The following KCNMA1 variants were observed in gnomAD, a reference collection of about 807,000 sequenced individuals.
The protein encoded by KCNMA1 is potassium calcium-activated channel subfamily M alpha 1.
A neutral mutation model predicts 140.0 loss-of-function variants in KCNMA1; 29 were observed. The ratio of observed to expected loss-of-function variants is 0.21; its 90% CI spans 0.15 to 0.28. KCNMA1 has a LOEUF of 0.28. Ranked by LOEUF, KCNMA1 falls within the 10% of genes least tolerant of loss-of-function variation. The pLI is 1.00. For missense variants in KCNMA1, 880 were observed against 1,602.2 expected (o/e 0.55, Z 7.70); for synonymous variants, 612 against 611.9 (o/e 1.00, Z 0.00).
chr10:76,952,699 C>T (rs2066759605), intron 21 of KCNMA1, among the ~76,000 whole-genome samples: 1 of 152,152 alleles, frequency 6.6e-6, no homozygotes, highest in Non-Finnish European at 1.5e-5. Flanking sequence ...GCTGTTAATG[C>T]TCATTTATAA....
At chr10:77,458,038 T>C (rs2154522846) in intron 1 of KCNMA1, among the ~76,000 whole-genome samples, 2 of 152,330 alleles carry the variant, frequency 1.3e-5, no homozygotes, top group South Asian at 4.1e-4. Flanking sequence ...CTAGAGTTCC[T>C]ACTTGGGAGC....
intron 1 of KCNMA1, among the ~76,000 whole-genome samples, chr10:77,591,993 T>C (rs1288356031): frequency 6.7e-6 from 1 of 149,888 alleles, no homozygotes; most frequent in African/African-American, 2.5e-5. Context: ...TGCCTGGGAG[T>C]TCAGTCTCAT....
intron 2 of KCNMA1, among the ~76,000 whole-genome samples, chr10:77,283,846 G>T (rs1255941691): frequency 6.6e-6 from 1 of 152,086 alleles, no homozygotes; most frequent in Admixed American, 6.6e-5. Context: ...ATGAAATAAG[G>T]GCATGGAAGA....
rs2086454515 is a variant in KCNMA1 at position 77,001,535 on chromosome 10, T to C, written c.2138A>G (p.Asp713Gly). 1.3e-6 allele frequency: 2 copies of C among 1,551,978 alleles called. No individual in the cohort carries two copies. ...GCAGTCACGCTCAGAACGTCCGCAA[T>C]CAAAACAACATGCCCGTCTCATTCT... Reference protein sequence around the residue: ...YKRMRRACCFDCGRSERDCSC... With the variant: ...YKRMRRACCFGCGRSERDCSC... The change falls in exon 19 of 28, where the codon GAT becomes GGT. Residue 713 changes from aspartate (D) to glycine (G), a missense_variant. Coordinates refer to ENST00000286628, the MANE Select transcript of KCNMA1 (RefSeq NM_001161352.2).
intron 3 of KCNMA1, among the ~76,000 whole-genome samples, chr10:77,237,180 T>A (rs569019686): frequency 6.6e-6 from 1 of 152,232 alleles, no homozygotes; most frequent in Non-Finnish European, 1.5e-5. Context: ...TATCTAATAC[T>A]TTTTTTGGTC....
chr10:76,952,180 A>G (rs1244870138), intron 21 of KCNMA1: 1 of 1,550,244 alleles, frequency 6.5e-7, no homozygotes, highest in Admixed American at 2.0e-5. Context: ...TGGTAACATC[A>G]GGCTAAATTT....
chr10:77,187,191 T>G (rs755377658), intron 3 of KCNMA1, among the ~76,000 whole-genome samples: 2 of 151,970 alleles, frequency 1.3e-5, no homozygotes, highest in African/African-American at 4.8e-5. Context: ...TGGTAGAAAA[T>G]GGAATAGTTG....
At chr10:77,013,213 G>A (rs1179685740) in intron 17 of KCNMA1, among the ~76,000 whole-genome samples, 1 of 151,732 alleles carries the variant, frequency 6.6e-6, no homozygotes, top group Non-Finnish European at 1.5e-5. Context: ...TAAGACTTTT[G>A]GATCCACACG....
At chr10:77,419,544 A>G (rs1297094858) in intron 1 of KCNMA1, among the ~76,000 whole-genome samples, 2 of 152,210 alleles carry the variant, frequency 1.3e-5, no homozygotes, top group Admixed American at 1.3e-4. Flanking sequence ...GTGAGACGCC[A>G]GCCAAGGAGA....
rs549479164 is a variant in KCNMA1, at chr10:77,569,817, A to G, written c.378+67448T>C. ...AACAGGCAACCTACAAAATGGGAGAAAATTTTCACAACCTACTCATCTGAC... is the reference window on the plus strand; with the variant it reads ...AACAGGCAACCTACAAAATGGGAGAGAATTTTCACAACCTACTCATCTGAC... On this transcript the variant is annotated intron_variant, in intron 1 of 27. Coordinates refer to ENST00000286628, the MANE Select transcript of KCNMA1 (RefSeq NM_001161352.2). Among the ~76,000 whole-genome samples the G allele has an allele frequency of 1.3e-3, 202 of 152,348 alleles. 1 individual carries two copies. The highest frequency in any genetic ancestry group is 4.4e-3 in the Admixed American group (67 of 15,304).
chr10:77,246,318 T>G (rs940154242), intron 3 of KCNMA1, among the ~76,000 whole-genome samples: 2 of 152,224 alleles, frequency 1.3e-5, no homozygotes, highest in African/African-American at 2.4e-5. Context: ...TAGTAATACC[T>G]ATCCTAAGAA....
chr10:77,166,454 A>T (rs745995818), intron 5 of KCNMA1, among the ~76,000 whole-genome samples: 5 of 152,126 alleles, frequency 3.3e-5, no homozygotes, highest in Non-Finnish European at 5.9e-5. Flanking sequence ...TTTCCTCCAA[A>T]ACACCAGAGG....
chr10:77,173,371 C>T (rs1032492249), intron 5 of KCNMA1, among the ~76,000 whole-genome samples: 2 of 152,128 alleles, frequency 1.3e-5, no homozygotes, highest in African/African-American at 4.8e-5. Context: ...CTAGGTGACT[C>T]TCAGCAATTT....
At chr10:76,947,288 G>T (rs1477573204) in intron 22 of KCNMA1, among the ~76,000 whole-genome samples, 1 of 152,180 alleles carries the variant, frequency 6.6e-6, no homozygotes, top group Non-Finnish European at 1.5e-5. Context: ...AGTGAGCCGA[G>T]ATCGTGCCAT....
At chr10:76,964,576 A>C (rs2073115033) in intron 20 of KCNMA1, among the ~76,000 whole-genome samples, 1 of 152,148 alleles carries the variant, frequency 6.6e-6, no homozygotes, top group African/African-American at 2.4e-5. Flanking sequence ...GTGCATTAAG[A>C]GATGAATTTA....
intron 21 of KCNMA1, chr10:76,952,152 C>A (rs2066508354): frequency 2.6e-6 from 4 of 1,551,442 alleles, no homozygotes; most frequent in Non-Finnish European, 2.6e-6. Flanking sequence ...CGGCATCCAG[C>A]CTGTGACCTG....
chr10:77,447,471 C>T (rs1311448737), intron 1 of KCNMA1, among the ~76,000 whole-genome samples: 1 of 152,256 alleles, frequency 6.6e-6, no homozygotes, highest in Admixed American at 6.5e-5. Context: ...TTGATAAACA[C>T]ATGAGATAAT....
chr10:76,945,049 G>A (rs1358843300), intron 22 of KCNMA1, 84 bp from the exon 23 acceptor site: 3 of 1,111,520 alleles, frequency 2.7e-6, no homozygotes, highest in Non-Finnish European at 4.1e-6. Flanking sequence ...AGTGAGAGGA[G>A]AGGGAAAGAG....
At chr10:77,606,771 C>A (rs1235223984) in intron 1 of KCNMA1, among the ~76,000 whole-genome samples, 3 of 152,126 alleles carry the variant, frequency 2.0e-5, no homozygotes, top group African/African-American at 4.8e-5. Context: ...TTGGAGTATT[C>A]CCTTCCTGCA....
Sources: allele counts gnomAD v4.1 joint callset (sites outside exome capture counted in the v4.1 genomes callset), GRCh38; gene constraint gnomAD v4.1.1; transcripts MANE v1.5; gene names NCBI Gene and HGNC (gene_info 2026-07-23, HGNC 2026-07-21).